BRWD3: variants seen among roughly 807,000 people sequenced by gnomAD.
BRWD3 encodes bromodomain and WD repeat domain containing 3, also known as bromodomain and WD repeat-containing protein 3.
Under a neutral mutation model 149.7 loss-of-function variants are expected in BRWD3, and 10 were observed. The ratio of observed to expected loss-of-function variants is 0.07; its 90% CI spans 0.04 to 0.11. The LOEUF is 0.11. BRWD3 is among the 10% of genes least tolerant of loss of function. BRWD3 has a pLI of 1.00. For synonymous variants in BRWD3, 504 were observed against 456.7 expected (o/e 1.10, Z -1.32); for missense variants, 940 against 1,373.2 (o/e 0.68, Z 4.99).
rs1438445488 is a variant in BRWD3 at position 80,722,825 on chromosome X, G to A, written c.1651-38C>T. 4 of 1,069,734 alleles carry A rather than the reference G, an allele frequency of 3.7e-6. No homozygotes were observed. The South Asian group carries it at 5.6e-5, about 15-fold the overall frequency. 88.2% of individuals were successfully genotyped at this position (1,069,734 alleles called of 1,213,427 possible). Reference sequence around the variant, plus strand: ...TTTTTAGTGGGTTAACATACACAGGGAATTTATAAGTAAATACTTGTTTTC... The same window carrying A: ...TTTTTAGTGGGTTAACATACACAGGAAATTTATAAGTAAATACTTGTTTTC... On this transcript the variant is annotated intron_variant, in intron 16 of 40. Coordinates refer to ENST00000373275, the MANE Select transcript of BRWD3 (RefSeq NM_153252.5).
intron 2 of BRWD3, 23 bp downstream of exon 2, chrX:80,809,223 C>A: frequency 8.4e-7 from 1 of 1,193,155 alleles, no homozygotes; most frequent in Admixed American, 2.3e-5. Flanking sequence ...ACCACGACTC[C>A]CAGATCTCTT....
chrX:80,699,584 G>T (rs1160419148), intron 25 of BRWD3, among the ~76,000 whole-genome samples: 5 of 111,654 alleles, frequency 4.5e-5, no homozygotes, highest in Non-Finnish European at 7.5e-5. Flanking sequence ...TGGGCTTCTT[G>T]TGATTTATCA....
chrX:80,762,733 G>GA (rs1218042056), intron 6 of BRWD3, among the ~76,000 whole-genome samples: 1 of 111,595 alleles, frequency 9.0e-6, no homozygotes, highest in Non-Finnish European at 1.9e-5. Flanking sequence ...ATACAGTATT[G>GA]AAAAAAGAAC....
chrX:80,801,093 A>G (rs775100640), intron 4 of BRWD3, among the ~76,000 whole-genome samples: 1 of 110,212 alleles, frequency 9.1e-6, no homozygotes, highest in Non-Finnish European at 1.9e-5. Flanking sequence ...CAGATAAAAT[A>G]AACCAAATAT....
intron 4 of BRWD3, among the ~76,000 whole-genome samples, chrX:80,807,162 T>C (rs1253311781): frequency 8.9e-6 from 1 of 111,826 alleles, no homozygotes; most frequent in Admixed American, 9.5e-5. Context: ...AAGACTTAAG[T>C]CCAACAGAAA....
chrX:80,714,289 G>A (rs1352375743), intron 20 of BRWD3, among the ~76,000 whole-genome samples: 4 of 97,117 alleles, frequency 4.1e-5, no homozygotes, highest in South Asian at 5.2e-4. Context: ...ATGCAATGGC[G>A]TGATATGGGC....
In BRWD3 at chrX:80,704,599, T is replaced by C. The variant is rs781688495; in HGVS notation, c.2721+79A>G. On this transcript the variant is annotated intron_variant, in intron 23 of 40. Coordinates refer to ENST00000373275, the MANE Select transcript of BRWD3 (RefSeq NM_153252.5). ...AATGTTATTTTTAGAGAAAAGTCAATGTTACAATTAAATATTTAAGTTATC... is the reference window on the plus strand; with the variant it reads ...AATGTTATTTTTAGAGAAAAGTCAACGTTACAATTAAATATTTAAGTTATC... The C allele has an allele frequency of 3.3e-5, 30 of 901,055 alleles. No homozygotes were observed. The South Asian group carries it at 6.8e-4, about 20-fold the overall frequency. 74.3% of individuals were successfully genotyped at this position (901,055 alleles called of 1,213,427 possible).
intron 20 of BRWD3, 46 bp downstream of exon 20, chrX:80,716,111 A>G (rs2073070941): frequency 1.9e-6 from 2 of 1,037,700 alleles, no homozygotes; most frequent in South Asian, 1.9e-5. Context: ...TTATCTACAA[A>G]TATCTGCAAA....
At chrX:80,799,403 T>A (rs1251122406) in intron 4 of BRWD3, among the ~76,000 whole-genome samples, 3 of 112,111 alleles carry the variant, frequency 2.7e-5, no homozygotes, top group Non-Finnish European at 5.6e-5. Flanking sequence ...CAAGTAACTC[T>A]AAAAAACAAA....
intron 20 of BRWD3, among the ~76,000 whole-genome samples, chrX:80,713,617 A>G (rs1290339035): frequency 1.8e-5 from 2 of 109,816 alleles, no homozygotes; most frequent in African/African-American, 6.7e-5. Flanking sequence ...TTATCTGCTG[A>G]CCTTCCCTCC....
intron 8 of BRWD3, among the ~76,000 whole-genome samples, chrX:80,741,144 G>A (rs1025227429): frequency 9.1e-6 from 1 of 109,984 alleles, no homozygotes; most frequent in Admixed American, 9.7e-5. Flanking sequence ...CCACCTATGA[G>A]TGAGAACATG....
chrX:80,723,276 T>C (rs959093752), intron 16 of BRWD3, among the ~76,000 whole-genome samples: 6 of 111,499 alleles, frequency 5.4e-5, no homozygotes, highest in Non-Finnish European at 7.5e-5. Flanking sequence ...TCTAAGATTC[T>C]ATAATCTTTC....
chrX:80,808,628 G>A (rs769608706), intron 3 of BRWD3, 30 bp from the exon 4 acceptor site: 13 of 1,184,901 alleles, frequency 1.1e-5, no homozygotes, highest in African/African-American at 1.8e-5. Context: ...AAAGGGGGAA[G>A]CGGAGGCAAA....
intron 6 of BRWD3, among the ~76,000 whole-genome samples, chrX:80,788,934 G>A (rs1427991895): frequency 1.8e-5 from 2 of 111,827 alleles, no homozygotes; most frequent in African/African-American, 6.5e-5. Flanking sequence ...GTTTCCAGGG[G>A]TTGAGCAAAC....
intron 4 of BRWD3, among the ~76,000 whole-genome samples, chrX:80,798,380 CT>C (rs951220063): frequency 9.1e-6 from 1 of 109,988 alleles, no homozygotes; most frequent in African/African-American, 3.3e-5. Context: ...AATAAGAACT[CT>C]TACCCCGAAT....
intron 6 of BRWD3, among the ~76,000 whole-genome samples, chrX:80,785,390 C>A (rs1020453274): frequency 6.3e-5 from 7 of 111,861 alleles, no homozygotes; most frequent in Admixed American, 1.9e-4. Context: ...TAGAAATTCA[C>A]CCTTGGTAAA....
chrX:80,742,197 G>T (rs2073522052), intron 8 of BRWD3, among the ~76,000 whole-genome samples: 2 of 110,606 alleles, frequency 1.8e-5, no homozygotes, highest in South Asian at 7.9e-4. Flanking sequence ...TTTTTCTCAG[G>T]TTTGCCAAAG....
intron 12 of BRWD3, among the ~76,000 whole-genome samples, chrX:80,731,726 C>T (rs1480206061): frequency 9.2e-6 from 1 of 108,500 alleles, no homozygotes; most frequent in African/African-American, 3.4e-5. Context: ...AACCCCGTCT[C>T]TACTAAAAAT....
intron 3 of BRWD3, 127 bp downstream of exon 3, chrX:80,808,886 C>T (rs1449964041): frequency 3.9e-6 from 3 of 763,350 alleles, no homozygotes; most frequent in Non-Finnish European, 5.9e-6. Context: ...CAATTCACCC[C>T]GGTGACAACA....
Sources: allele counts gnomAD v4.1 joint callset (sites outside exome capture counted in the v4.1 genomes callset), GRCh38; gene constraint gnomAD v4.1.1; transcripts MANE v1.5; gene names NCBI Gene and HGNC (gene_info 2026-07-23, HGNC 2026-07-21).